Variants in DNAH9 observed in about 807,000 individuals in gnomAD.
DNAH9 encodes the protein dynein axonemal heavy chain 9.
In DNAH9, 345 loss-of-function variants were observed where a neutral mutation model predicts 471.6. That is an observed-to-expected ratio of 0.73 (90% CI 0.67 to 0.80). The LOEUF is 0.80. DNAH9 is among the 30% of genes least tolerant of loss of function. The pLI is 0.00. For synonymous variants in DNAH9, 2,093 were observed against 2,123.6 expected (o/e 0.99, Z 0.40); for missense variants, 5,407 against 5,609.2 (o/e 0.96, Z 1.15).
chr17:11,899,601 C>T (rs1973336595), intron 59 of DNAH9, among the ~76,000 whole-genome samples: 1 of 152,218 alleles, frequency 6.6e-6, no homozygotes. Flanking sequence ...AAGTGTGTTT[C>T]AGATCCAGCC....
At chr17:11,641,990 G>A (rs2073282631) in intron 10 of DNAH9, among the ~76,000 whole-genome samples, 1 of 152,080 alleles carries the variant, frequency 6.6e-6, no homozygotes. Flanking sequence ...GGTAGGATGT[G>A]GGCTTTCCTG....
intron 33 of DNAH9, among the ~76,000 whole-genome samples, chr17:11,754,133 CAA>C (rs57757184): frequency 0.017 from 2,439 of 143,256 alleles, 30 homozygotes; most frequent in African/African-American, 0.036. Context: ...TTCATGTTCC[CAA>C]AAAAAAAAAA....
At chr17:11,687,758 G>A (rs2150749814) in intron 19 of DNAH9, among the ~76,000 whole-genome samples, 1 of 152,222 alleles carries the variant, frequency 6.6e-6, no homozygotes, top group Non-Finnish European at 1.5e-5. Flanking sequence ...GCTTGAGGAT[G>A]AGAGTGAGTA....
chr17:11,619,814 C>G (rs1405976683), intron 6 of DNAH9, 33 bp downstream of exon 6: 2 of 1,355,430 alleles, frequency 1.5e-6, no homozygotes, highest in East Asian at 2.3e-5. Context: ...GCTGCCAGCC[C>G]CAGACAGAAA....
chr17:11,767,186 C>T (rs1457854945), intron 36 of DNAH9, among the ~76,000 whole-genome samples: 1 of 152,146 alleles, frequency 6.6e-6, no homozygotes, highest in Admixed American at 6.5e-5. Flanking sequence ...AAACAAGACC[C>T]ACCCTTCCTT....
At chr17:11,821,888 A>C in intron 45 of DNAH9, 32 bp from the exon 46 acceptor site, 1 of 1,594,964 alleles carries the variant, frequency 6.3e-7, no homozygotes, top group Non-Finnish European at 8.5e-7. Flanking sequence ...CGAGATGCCA[A>C]GGCTGCCTAT....
Position 11,680,345 on chromosome 17 carries a change from AG to A in DNAH9, c.3576+370del. Among the ~76,000 whole-genome samples, 3 of 152,348 alleles carry A rather than the reference AG, an allele frequency of 2.0e-5. No individual in the cohort carries two copies. The East Asian group carries it at 5.8e-4, about 29-fold the overall frequency. ...AACCCTGAAGAATATAGAAAAGGGA[AG>A]GGGTTAATGTAGCTTCAGTAGAAAT... On this transcript the variant is annotated intron_variant, in intron 18 of 68. Coordinates refer to ENST00000262442, the MANE Select transcript of DNAH9 (RefSeq NM_001372.4).
intron 48 of DNAH9, among the ~76,000 whole-genome samples, chr17:11,825,332 G>A (rs764700438): frequency 1.8e-4 from 27 of 151,952 alleles, no homozygotes; most frequent in African/African-American, 5.6e-4. Flanking sequence ...TCTCCTCACC[G>A]CCTACCATGC....
At chr17:11,952,471 T>C (rs1975420211) in intron 67 of DNAH9, among the ~76,000 whole-genome samples, 3 of 143,566 alleles carry the variant, frequency 2.1e-5, no homozygotes, top group South Asian at 2.2e-4. Flanking sequence ...CAATTTTTAA[T>C]TTTATAATTT....
In DNAH9 at chr17:11,757,686, G is replaced by T. The variant is rs774720100; in HGVS notation, c.6989G>T (p.Arg2330Ile). 6.2e-7 allele frequency: 1 copy of T among 1,613,774 alleles called. No individual in the cohort carries two copies. Among genetic ancestry groups the T allele is most frequent in the Non-Finnish European group, 8.5e-7 (1 of 1,179,978 alleles). The change falls in exon 35 of 69, where the codon AGA becomes ATA. Residue 2330 changes from arginine to isoleucine, a missense_variant. By Grantham distance (97) the Arg-to-Ile change is moderately conservative. Transcript: ENST00000262442. ...KYLPTCLDTL[R>I]TRFKKIIPIP... ...CTTCCAACCTGCCTAGACACACTCA[G>T]AACCAGGTAGGCCAAGAAACAAGGA...
At chr17:11,851,932 T>G (rs11868538) in intron 49 of DNAH9, among the ~76,000 whole-genome samples, 5 of 152,336 alleles carry the variant, frequency 3.3e-5, no homozygotes, top group African/African-American at 1.2e-4. Flanking sequence ...TCTCTGTACA[T>G]TGCTTAACTT....
chr17:11,867,277 A>T (rs982704984), intron 50 of DNAH9, among the ~76,000 whole-genome samples: 3 of 151,430 alleles, frequency 2.0e-5, no homozygotes, highest in Non-Finnish European at 4.4e-5. Flanking sequence ...TTTACTGTTT[A>T]CTCTTATTTT....
chr17:11,695,741 G>A (rs1481773113), intron 22 of DNAH9, among the ~76,000 whole-genome samples: 1 of 152,176 alleles, frequency 6.6e-6, no homozygotes, highest in Non-Finnish European at 1.5e-5. Context: ...GATTCACTAC[G>A]TCTGGGTAGA....
At chr17:11,654,737 G>A (rs2073602201) in intron 14 of DNAH9, among the ~76,000 whole-genome samples, 1 of 151,912 alleles carries the variant, frequency 6.6e-6, no homozygotes, top group Non-Finnish European at 1.5e-5. Flanking sequence ...GCCAGGCACT[G>A]TCCTAAGCAT....
intron 8 of DNAH9, among the ~76,000 whole-genome samples, chr17:11,633,308 G>C (rs2073102848): frequency 6.6e-6 from 1 of 152,180 alleles, no homozygotes; most frequent in African/African-American, 2.4e-5. Flanking sequence ...AAGCTTTAAG[G>C]GTTCCAGTAG....
At chr17:11,731,397 C>CTT (rs554155627) in intron 28 of DNAH9, among the ~76,000 whole-genome samples, 1,831 of 147,912 alleles carry the variant, frequency 0.012, 33 homozygotes, top group African/African-American at 0.041. Flanking sequence ...CAGGTCTTCT[C>CTT]TTTTTTTTTT....
At chr17:11,782,843 G>A (rs1968720130) in intron 39 of DNAH9, among the ~76,000 whole-genome samples, 1 of 152,170 alleles carries the variant, frequency 6.6e-6, no homozygotes, top group Admixed American at 6.5e-5. Flanking sequence ...GTTGCAGTGA[G>A]CCGAGATCTG....
intron 26 of DNAH9, among the ~76,000 whole-genome samples, chr17:11,708,000 CACACACACACACACAGAGAG>C (rs1198267473): frequency 2.2e-3 from 113 of 51,240 alleles, no homozygotes; most frequent in East Asian, 0.014. Flanking sequence ...CACACACACA[CACACACACACACACAGAGAG>C]AGAGAGAGAG....
intron 65 of DNAH9, among the ~76,000 whole-genome samples, chr17:11,934,680 C>A (rs1974646516): frequency 6.6e-6 from 1 of 152,032 alleles, no homozygotes; most frequent in Non-Finnish European, 1.5e-5. Context: ...TCTTGATCTC[C>A]TGACCTCGTG....
Sources: gnomAD v4.1 joint callset for allele counts (sites outside exome capture counted in the v4.1 genomes callset) on GRCh38, gnomAD v4.1.1 for gene constraint, MANE v1.5 for transcripts, NCBI Gene and HGNC (gene_info 2026-07-23, HGNC 2026-07-21) for gene names.